The following CAMK1D variants were observed in gnomAD, a reference collection of about 807,000 sequenced individuals.
CAMK1D encodes calcium/calmodulin dependent protein kinase ID.
A neutral mutation model predicts 47.7 loss-of-function variants in CAMK1D; 9 were observed. That is an observed-to-expected ratio of 0.19 (90% confidence interval 0.11 to 0.33). CAMK1D has a LOEUF of 0.33. CAMK1D is among the 10% of genes least tolerant of loss of function. The pLI is 1.00. For missense variants in CAMK1D, 291 were observed against 488.7 expected (o/e 0.60, Z 3.81); for synonymous variants, 184 against 184.9 (o/e 0.99, Z 0.04).
chr10:12,584,345 A>G (rs1275046386), intron 2 of CAMK1D, among the ~76,000 whole-genome samples: 1 of 152,242 alleles, frequency 6.6e-6, no homozygotes, highest in African/African-American at 2.4e-5. Flanking sequence ...TAAATGTGTG[A>G]TGACTCGGAG....
chr10:12,467,575 T>C (rs976206962), intron 1 of CAMK1D, among the ~76,000 whole-genome samples: 2 of 152,222 alleles, frequency 1.3e-5, no homozygotes, highest in African/African-American at 4.8e-5. Context: ...TCAAAATATT[T>C]TCACCTCTGA....
At chr10:12,720,743 G>A (rs774994862) in intron 3 of CAMK1D, among the ~76,000 whole-genome samples, 4 of 152,100 alleles carry the variant, frequency 2.6e-5, no homozygotes, top group Admixed American at 6.5e-5. Context: ...GAATGGCCCC[G>A]AAGAATCAAT....
chr10:12,791,715 C>T (rs1022632535), intron 6 of CAMK1D, among the ~76,000 whole-genome samples: 2 of 152,182 alleles, frequency 1.3e-5, no homozygotes, highest in African/African-American at 4.8e-5. Context: ...TTTTGTTTAT[C>T]CCCTTGGTCC....
chr10:12,681,415 C>T (rs1840990113), intron 3 of CAMK1D, among the ~76,000 whole-genome samples: 1 of 152,274 alleles, frequency 6.6e-6, no homozygotes, highest in South Asian at 2.1e-4. Flanking sequence ...ATTCACTCTG[C>T]AGATGCAACA....
At chr10:12,612,071 C>T (rs2132413954) in intron 2 of CAMK1D, among the ~76,000 whole-genome samples, 1 of 152,320 alleles carries the variant, frequency 6.6e-6, no homozygotes, top group East Asian at 1.9e-4. Context: ...CTCCCTGGCT[C>T]TCCAGTGCTC....
chr10:12,563,175 G>A (rs991679389), intron 2 of CAMK1D, among the ~76,000 whole-genome samples: 1 of 152,230 alleles, frequency 6.6e-6, no homozygotes, highest in Non-Finnish European at 1.5e-5. Context: ...TCCAAGGGCC[G>A]GAGATGGATG....
chr10:12,359,523 G>GT (rs1837602564), intron 1 of CAMK1D, among the ~76,000 whole-genome samples: 1 of 149,512 alleles, frequency 6.7e-6, no homozygotes, highest in African/African-American at 2.5e-5. Flanking sequence ...GTAGCTTCTC[G>GT]GTTTTTTTTT....
chr10:12,412,962 C>A (rs986724489), intron 1 of CAMK1D, among the ~76,000 whole-genome samples: 5 of 152,286 alleles, frequency 3.3e-5, no homozygotes, highest in Non-Finnish European at 5.9e-5. Context: ...TCTGCCCTCA[C>A]CCACTCTGGG....
At chr10:12,442,437 C>T (rs909761975) in intron 1 of CAMK1D, among the ~76,000 whole-genome samples, 3 of 151,920 alleles carry the variant, frequency 2.0e-5, no homozygotes, top group Admixed American at 6.6e-5. Context: ...GCTGAGATTG[C>T]GCCACTGCAC....
intron 2 of CAMK1D, among the ~76,000 whole-genome samples, chr10:12,621,881 G>T (rs74117762): frequency 1.2e-3 from 181 of 152,128 alleles, no homozygotes; most frequent in African/African-American, 4.1e-3. Context: ...ATGTTAGATG[G>T]CTTTTGCTGA....
Position 12,817,925 on chromosome 10 carries a change from G to A in CAMK1D, c.833+1597G>A, listed in dbSNP as rs193172539. On this transcript the variant is annotated intron_variant, in intron 8 of 10. Transcript: ENST00000619168. ...GGTGGTCTCAAACTCCTGACCTCAG[G>A]TGATCCACCTGTTTCGGCCTCCCAA... 6.2e-4 allele frequency among the ~76,000 whole-genome samples: 95 copies of A among 152,286 alleles called. 1 individual carries two copies. The East Asian group carries it at 0.015, about 24-fold the overall frequency.
intron 1 of CAMK1D, among the ~76,000 whole-genome samples, chr10:12,533,806 G>A (rs544951193): frequency 6.6e-6 from 1 of 152,270 alleles, no homozygotes; most frequent in South Asian, 2.1e-4. Flanking sequence ...GGGTCTGCAA[G>A]GCTAGTATGG....
intron 3 of CAMK1D, among the ~76,000 whole-genome samples, chr10:12,715,986 C>T (rs936429702): frequency 1.3e-5 from 2 of 152,070 alleles, no homozygotes; most frequent in Non-Finnish European, 2.9e-5. Context: ...GCTAGGATTA[C>T]AGGTGTGAGC....
chr10:12,412,343 C>G (rs1338130618), intron 1 of CAMK1D, among the ~76,000 whole-genome samples: 1 of 151,450 alleles, frequency 6.6e-6, no homozygotes, highest in East Asian at 2.0e-4. Flanking sequence ...GGTGCGGTGG[C>G]TCATGCCTGT....
intron 1 of CAMK1D, among the ~76,000 whole-genome samples, chr10:12,406,360 C>A (rs1438823979): frequency 6.6e-6 from 1 of 152,020 alleles, no homozygotes; most frequent in Non-Finnish European, 1.5e-5. Flanking sequence ...ACCCATAAAA[C>A]AAGAAGAAAA....
intron 1 of CAMK1D, among the ~76,000 whole-genome samples, chr10:12,493,773 C>T (rs1296564513): frequency 6.6e-6 from 1 of 152,172 alleles, no homozygotes; most frequent in Non-Finnish European, 1.5e-5. Context: ...GGACTACAGG[C>T]GTGAGCCACT....
At chr10:12,597,033 C>T (rs543959131) in intron 2 of CAMK1D, among the ~76,000 whole-genome samples, 3 of 152,124 alleles carry the variant, frequency 2.0e-5, no homozygotes, top group East Asian at 1.9e-4. Context: ...ATTCATCCAA[C>T]GTTTATTGAG....
intron 1 of CAMK1D, among the ~76,000 whole-genome samples, chr10:12,485,734 C>T (rs990254621): frequency 9.9e-5 from 15 of 152,128 alleles, no homozygotes; most frequent in Non-Finnish European, 1.8e-4. Context: ...ACAGGGTCAC[C>T]GATAAGGGAG....
At chr10:12,734,340 AAAAAAATAT>A (rs1835035140) in intron 3 of CAMK1D, among the ~76,000 whole-genome samples, 1 of 27,806 alleles carries the variant, frequency 3.6e-5, no homozygotes, top group Non-Finnish European at 6.5e-5. Flanking sequence ...AAAAAAAAAA[AAAAAAATAT>A]ATATATATAT....
Sources: allele counts gnomAD v4.1 joint callset (sites outside exome capture counted in the v4.1 genomes callset), GRCh38; gene constraint gnomAD v4.1.1; transcripts MANE v1.5; gene names NCBI Gene and HGNC (gene_info 2026-07-23, HGNC 2026-07-21).